SPATA6: variants seen among roughly 807,000 people sequenced by gnomAD.
SPATA6 encodes spermatogenesis-associated protein 6.
SPATA6 carries 56 observed loss-of-function variants against 65.3 expected under a neutral mutation model. The ratio of observed to expected loss-of-function variants is 0.86; its 90% confidence interval spans 0.69 to 1.07. The LOEUF is 1.07. SPATA6 is among the 50% of genes least tolerant of loss of function. The probability of loss-of-function intolerance (pLI) is 0.00; values close to 1 mark genes in which losing one functional copy is unlikely to be tolerated. For synonymous variants in SPATA6, 199 were observed against 213.2 expected (o/e 0.93, Z 0.58); for missense variants, 590 against 594.8 (o/e 0.99, Z 0.08).
chr1:48,275,954 G>A, the SPATA6 span, among the ~76,000 whole-genome samples: 1 of 151,820 alleles, frequency 6.6e-6, no homozygotes. Context: ...CTGTGAATCA[G>A]TCTGGTCCTG....
intron 8 of SPATA6, among the ~76,000 whole-genome samples, chr1:48,387,421 A>G (rs530226809): frequency 6.6e-6 from 1 of 152,330 alleles, no homozygotes; most frequent in East Asian, 1.9e-4. Context: ...GGGCTGAGGC[A>G]TAAGTGCCAC....
At chr1:48,311,418 C>T (rs1645204103) in intron 11 of SPATA6, among the ~76,000 whole-genome samples, 1 of 151,622 alleles carries the variant, frequency 6.6e-6, no homozygotes, top group Non-Finnish European at 1.5e-5. Context: ...AATTGTAAAC[C>T]AAAATAATTA....
intron 5 of SPATA6, among the ~76,000 whole-genome samples, chr1:48,404,767 T>C (rs1441930298): frequency 6.6e-6 from 1 of 152,358 alleles, no homozygotes; most frequent in East Asian, 1.9e-4. Context: ...TATCTTACAT[T>C]CATATCTAGA....
At chr1:48,303,949 C>T (rs1255316220) in intron 12 of SPATA6, among the ~76,000 whole-genome samples, 1 of 152,090 alleles carries the variant, frequency 6.6e-6, no homozygotes, top group Non-Finnish European at 1.5e-5. Flanking sequence ...CTTCATGATG[C>T]CTGTGTCAAA....
intron 9 of SPATA6, among the ~76,000 whole-genome samples, chr1:48,384,754 G>C (rs756198262): frequency 7.2e-5 from 11 of 152,120 alleles, no homozygotes; most frequent in Admixed American, 4.6e-4. Context: ...GCATGTCTCA[G>C]AGCCTTTAGC....
chr1:48,460,897 T>A (rs1439673334), intron 1 of SPATA6, among the ~76,000 whole-genome samples: 1 of 151,950 alleles, frequency 6.6e-6, no homozygotes, highest in Admixed American at 6.5e-5. Context: ...AATAAGTTTT[T>A]TTTTTAATGT....
At chr1:48,362,869 G>A (rs972847856) in intron 9 of SPATA6, among the ~76,000 whole-genome samples, 1 of 152,128 alleles carries the variant, frequency 6.6e-6, no homozygotes, top group African/African-American at 2.4e-5. Flanking sequence ...TATCATAGAG[G>A]TGGGAGGGAT....
the SPATA6 span, among the ~76,000 whole-genome samples, chr1:48,267,332 G>A: frequency 6.6e-6 from 1 of 152,216 alleles, no homozygotes; most frequent in Non-Finnish European, 1.5e-5. Context: ...TCTGCAGGTG[G>A]CTTGCATTAA....
intron 1 of SPATA6, among the ~76,000 whole-genome samples, chr1:48,461,715 G>T (rs1192089162): frequency 6.6e-6 from 1 of 152,152 alleles, no homozygotes; most frequent in Non-Finnish European, 1.5e-5. Context: ...AGAGGATGTG[G>T]AGAAATAAGA....
chr1:48,422,379 AGAAAT>A lies in SPATA6; in HGVS notation c.239-9233_239-9229del, dbSNP rs574753817. ...AGAGCATCTGCTAATTCTGGAAAAG[AGAAAT>A]GAAAGACTGGAAAAGCTGAGCTGAG... On this transcript the variant is annotated intron_variant, in intron 3 of 12. Coordinates refer to ENST00000371847, the MANE Select transcript of SPATA6 (RefSeq NM_019073.4). Among the ~76,000 whole-genome samples the A allele has an allele frequency of 6.6e-4, 101 of 152,346 alleles. 1 individual carries two copies. The highest frequency in any genetic ancestry group is 2.3e-3 in the African/African-American group (95 of 41,590).
the SPATA6 span, among the ~76,000 whole-genome samples, chr1:48,277,498 G>A: frequency 6.6e-6 from 1 of 152,216 alleles, no homozygotes; most frequent in African/African-American, 2.4e-5. Context: ...TTTCCGACGG[G>A]CTTAAAAAAC....
chr1:48,313,692 C>T (rs901261592), intron 11 of SPATA6, among the ~76,000 whole-genome samples: 43 of 152,092 alleles, frequency 2.8e-4, no homozygotes, highest in African/African-American at 8.0e-4. Flanking sequence ...TCACACATAA[C>T]CATATTAACA....
At chr1:48,283,693 A>AGAAAGAAAGAAAG in the SPATA6 span, among the ~76,000 whole-genome samples, 12 of 7,880 alleles carry the variant, frequency 1.5e-3, no homozygotes, top group Middle Eastern at 0.071. Flanking sequence ...AAAAAAAAAA[A>AGAAAGAAAGAAAG]AAAAAAAGAA....
chr1:48,299,498 G>A (rs1264439164), intron 12 of SPATA6, among the ~76,000 whole-genome samples: 4 of 77,754 alleles, frequency 5.1e-5, no homozygotes, highest in African/African-American at 2.0e-4. Flanking sequence ...TGGACAACAA[G>A]AGCAAAACTC....
chr1:48,454,190 T>C (rs1368399924), intron 1 of SPATA6, among the ~76,000 whole-genome samples: 1 of 151,892 alleles, frequency 6.6e-6, no homozygotes, highest in Non-Finnish European at 1.5e-5. Flanking sequence ...CCATATTCTA[T>C]TGCCAGTGAT....
At chr1:48,280,641 T>G in the SPATA6 span, among the ~76,000 whole-genome samples, 72 of 152,214 alleles carry the variant, frequency 4.7e-4, no homozygotes, top group Non-Finnish European at 7.8e-4. Context: ...AGGAAGAAAT[T>G]GACTCTCTGA....
chr1:48,317,009 C>G (rs986695709), intron 11 of SPATA6, among the ~76,000 whole-genome samples: 20 of 152,132 alleles, frequency 1.3e-4, no homozygotes, highest in South Asian at 2.1e-4. Flanking sequence ...GAATGGCAAT[C>G]ATTAAAAAGT....
chr1:48,421,428 C>T (rs1324604424), intron 3 of SPATA6, among the ~76,000 whole-genome samples: 1 of 151,918 alleles, frequency 6.6e-6, no homozygotes, highest in Non-Finnish European at 1.5e-5. Context: ...TATATTTGAT[C>T]TCTATCTTAT....
At chr1:48,377,056 T>C (rs1340570032) in intron 9 of SPATA6, among the ~76,000 whole-genome samples, 1 of 152,144 alleles carries the variant, frequency 6.6e-6, no homozygotes, top group African/African-American at 2.4e-5. Flanking sequence ...CTAATATCTC[T>C]ACGGCTATCA....
Sources: gnomAD v4.1 joint callset for allele counts (sites outside exome capture counted in the v4.1 genomes callset) on GRCh38, gnomAD v4.1.1 for gene constraint, MANE v1.5 for transcripts, NCBI Gene and HGNC (gene_info 2026-07-23, HGNC 2026-07-21) for gene names.